The following TBC1D5 variants were observed in gnomAD, a reference collection of about 807,000 sequenced individuals.
TBC1D5 encodes the protein TBC1 domain family member 5.
Under a neutral mutation model 100.3 loss-of-function variants are expected in TBC1D5, and 75 were observed. The observed-to-expected ratio is 0.75, with a 90% CI of 0.62 to 0.91. TBC1D5 has a LOEUF of 0.91. Among genes scored for constraint, TBC1D5 ranks in the 40% least tolerant of loss-of-function variants. The probability of loss-of-function intolerance (pLI) is 0.00; values close to 1 mark genes in which losing one functional copy is unlikely to be tolerated. For missense variants in TBC1D5, 910 were observed against 942.4 expected (o/e 0.97, Z 0.45); for synonymous variants, 323 against 325.6 (o/e 0.99, Z 0.09).
chr3:17,406,388 A>T (rs942050474), intron 5 of TBC1D5, 30 bp downstream of exon 5: 1 of 1,592,906 alleles, frequency 6.3e-7, no homozygotes, highest in Non-Finnish European at 8.6e-7. Context: ...TATTGCAACC[A>T]GAAACTGTAA....
chr3:17,358,186 GTT>G (rs1415537442), intron 13 of TBC1D5, among the ~76,000 whole-genome samples: 2 of 151,562 alleles, frequency 1.3e-5, no homozygotes, highest in African/African-American at 2.4e-5. Context: ...TTGTTTGTTT[GTT>G]TTTGTTTTTG....
chr3:17,254,767 G>GGC (rs2077486570), intron 16 of TBC1D5, among the ~76,000 whole-genome samples: 2 of 15,000 alleles, frequency 1.3e-4, no homozygotes, highest in African/African-American at 1.6e-3. Context: ...TGGCGGGGGT[G>GGC]GGGGGGGGGT....
exon 17 of TBC1D5, chr3:17,238,187 T>C (rs2076023890): frequency 1.2e-6 from 2 of 1,613,878 alleles, no homozygotes; most frequent in Admixed American, 3.3e-5. Flanking sequence ...ACAGGCATGC[T>C]TTCTGATTTC....
intron 1 of TBC1D5, among the ~76,000 whole-genome samples, chr3:17,653,359 C>T (rs1395601274): frequency 6.6e-6 from 1 of 152,056 alleles, no homozygotes; most frequent in Non-Finnish European, 1.5e-5. Flanking sequence ...AGTAATAAGA[C>T]ATCATTTACC....
At chr3:17,581,020 C>T (rs1294670953) in intron 2 of TBC1D5, among the ~76,000 whole-genome samples, 3 of 152,138 alleles carry the variant, frequency 2.0e-5, no homozygotes, top group African/African-American at 7.2e-5. Flanking sequence ...TCCCATAATC[C>T]CCACGTGTCG....
At chr3:17,196,853 T>C (rs1337506609) in intron 18 of TBC1D5, among the ~76,000 whole-genome samples, 1 of 152,246 alleles carries the variant, frequency 6.6e-6, no homozygotes. Context: ...ATGCTTGTTT[T>C]GAAAATGTGA....
intron 3 of TBC1D5, among the ~76,000 whole-genome samples, chr3:17,496,485 T>C (rs1576360067): frequency 6.6e-6 from 1 of 150,824 alleles, no homozygotes; most frequent in Non-Finnish European, 1.5e-5. Flanking sequence ...CACAAATGGG[T>C]CAACAGAAAA....
chr3:17,738,382 TACAC>T (rs532604198), intron 1 of TBC1D5, among the ~76,000 whole-genome samples: 19 of 150,696 alleles, frequency 1.3e-4, no homozygotes, highest in African/African-American at 2.7e-4. Context: ...CACTCACACA[TACAC>T]ACACACACAC....
At chr3:17,426,577 G>A (rs942401685) in intron 4 of TBC1D5, among the ~76,000 whole-genome samples, 9 of 151,338 alleles carry the variant, frequency 5.9e-5, no homozygotes, top group Admixed American at 2.0e-4. Context: ...TTTAATCAAT[G>A]CCTGCCATTT....
intron 13 of TBC1D5, among the ~76,000 whole-genome samples, chr3:17,319,528 T>C (rs2085117307): frequency 6.6e-6 from 1 of 151,786 alleles, no homozygotes; most frequent in East Asian, 1.9e-4. Flanking sequence ...CCCAAATCCC[T>C]TCCCCAACAG....
At chr3:17,189,631 T>C (rs1394797287) in intron 18 of TBC1D5, among the ~76,000 whole-genome samples, 1 of 152,224 alleles carries the variant, frequency 6.6e-6, no homozygotes, top group African/African-American at 2.4e-5. Flanking sequence ...CGACATAAAA[T>C]ATGGCCTACT....
intron 16 of TBC1D5, among the ~76,000 whole-genome samples, chr3:17,242,991 A>G (rs950862179): frequency 1.3e-5 from 2 of 152,168 alleles, no homozygotes; most frequent in Admixed American, 6.5e-5. Flanking sequence ...CTGTGGAAAT[A>G]ATAATGGAAA....
chr3:17,339,613 A>G (rs1315934664), intron 13 of TBC1D5, among the ~76,000 whole-genome samples: 1 of 152,214 alleles, frequency 6.6e-6, no homozygotes, highest in East Asian at 1.9e-4. Context: ...AGAGAAACTA[A>G]TTTTCGTATA....
intron 1 of TBC1D5, among the ~76,000 whole-genome samples, chr3:17,695,380 A>C (rs951819974): frequency 6.6e-6 from 1 of 152,162 alleles, no homozygotes; most frequent in Non-Finnish European, 1.5e-5. Context: ...CACATAGGCT[A>C]AAAATAAAGG....
At chr3:17,740,560 G>C (rs1014032563) in exon 1 of TBC1D5, 1 of 152,098 alleles carries the variant, frequency 6.6e-6, no homozygotes, top group Non-Finnish European at 1.5e-5. Context: ...TCTCCATAAA[G>C]TGTTATGAAG....
intron 15 of TBC1D5, among the ~76,000 whole-genome samples, chr3:17,265,467 G>A (rs534100639): frequency 7.2e-5 from 11 of 152,042 alleles, no homozygotes; most frequent in South Asian, 6.2e-4. Context: ...AAAATATGTC[G>A]AACGTTCCTC....
At chr3:17,176,258 T>C (rs1468205002) in intron 19 of TBC1D5, among the ~76,000 whole-genome samples, 1 of 152,224 alleles carries the variant, frequency 6.6e-6, no homozygotes, top group Admixed American at 6.5e-5. Flanking sequence ...GTTTGTGAAG[T>C]ACCTGGCACT....
intron 1 of TBC1D5, among the ~76,000 whole-genome samples, chr3:17,659,893 T>C (rs913544087): frequency 6.6e-6 from 1 of 152,142 alleles, no homozygotes; most frequent in African/African-American, 2.4e-5. Flanking sequence ...TATACAATTA[T>C]ACTTTAATAC....
At chr3:17,405,401 G>A (rs2093744981) in intron 5 of TBC1D5, among the ~76,000 whole-genome samples, 1 of 151,758 alleles carries the variant, frequency 6.6e-6, no homozygotes, top group African/African-American at 2.4e-5. Flanking sequence ...TCTCACTGAG[G>A]GCATAGCCTG....
Sources: gnomAD v4.1 joint callset for allele counts (sites outside exome capture counted in the v4.1 genomes callset) on GRCh38, gnomAD v4.1.1 for gene constraint, MANE v1.5 for transcripts, NCBI Gene and HGNC (gene_info 2026-07-23, HGNC 2026-07-21) for gene names.